CHRFAM7A: variants seen among roughly 807,000 people sequenced by gnomAD.
CHRFAM7A encodes the protein CHRNA7-FAM7A fusion protein.
CHRFAM7A carries 3 observed loss-of-function variants against 29.2 expected under a neutral mutation model. The observed-to-expected ratio is 0.10, with a 90% CI of 0.05 to 0.27. The LOEUF (loss-of-function observed/expected upper bound fraction) is 0.27. CHRFAM7A is among the 10% of genes least tolerant of loss of function. CHRFAM7A has a pLI of 1.00. For synonymous variants in CHRFAM7A, 7 were observed against 135.4 expected (o/e 0.05, Z 6.58); for missense variants, 22 against 328.0 (o/e 0.07, Z 7.21).
chr15:30,361,978 T>TCGCCGTATCATTAAAAAACTCC lies in CHRFAM7A; in HGVS notation c.*314_*315insGGAGTTTTTTAATGATACGGCG. 3.7e-4 allele frequency: 2 copies of TCGCCGTATCATTAAAAAACTCC among 5,472 alleles called. No individual in the cohort carries two copies. The highest frequency in any genetic ancestry group is 7.8e-4 in the Non-Finnish European group (2 of 2,568). 0.3% of individuals were successfully genotyped at this position (5,472 alleles called of 1,614,324 possible). On this transcript the variant is annotated 3_prime_UTR_variant, in exon 10 of 10. Transcript: ENST00000299847. ...CATGCAAAACCAACTGTCTCGGTGG[T>TCGCCGTATCATTAAAAAACTCC]GAGGAGCCATGGGGAGCTCTCCGAA... is the stretch of plus-strand genomic sequence containing the variant.
chr15:30,374,705 AGTT>A (rs1182158083), intron 5 of CHRFAM7A, among the ~76,000 whole-genome samples: 2 of 115,526 alleles, frequency 1.7e-5, no homozygotes, highest in African/African-American at 3.4e-5. Flanking sequence ...ATATACTAAA[AGTT>A]GTTGAATCAT....
At chr15:30,375,855 AGTGGTTGTGT>A (rs2058924221) in intron 5 of CHRFAM7A, among the ~76,000 whole-genome samples, 1 of 100,076 alleles carries the variant, frequency 1.0e-5, no homozygotes, top group Non-Finnish European at 2.3e-5. Flanking sequence ...GTGGTATGTG[AGTGGTTGTGT>A]GAGTGGTGTG....
intron 5 of CHRFAM7A, among the ~76,000 whole-genome samples, chr15:30,375,679 T>TGTG (rs375318103): frequency 1.5e-5 from 2 of 135,326 alleles, no homozygotes; most frequent in East Asian, 2.3e-4. Flanking sequence ...TGTGTGTGTG[T>TGTG]CTGGTGTGTG....
intron 9 of CHRFAM7A, among the ~76,000 whole-genome samples, chr15:30,363,358 G>A (rs200469747): frequency 0.064 from 8,685 of 136,706 alleles, 12 homozygotes; most frequent in East Asian, 0.1. Flanking sequence ...TTGTGATGAC[G>A]TGACCACTTT....
At chr15:30,367,671 TCTGGGTGGGCAAAACCAG>T (rs2058807610) in intron 8 of CHRFAM7A, 144 bp from the exon 9 acceptor site, 2 of 1,114,560 alleles carry the variant, frequency 1.8e-6, no homozygotes, top group Admixed American at 2.8e-5. Context: ...CAGCCCACAT[TCTGGGTGGGCAAAACCAG>T]CCAGTGTGGT....
intron 5 of CHRFAM7A, among the ~76,000 whole-genome samples, chr15:30,375,525 T>C: frequency 6.7e-6 from 1 of 150,342 alleles, no homozygotes; most frequent in Non-Finnish European, 1.5e-5. Context: ...CCAGTATGTG[T>C]GGTATGTGAG....
intron 7 of CHRFAM7A, among the ~76,000 whole-genome samples, chr15:30,371,571 T>C (rs569249031): frequency 7.3e-5 from 11 of 149,948 alleles, no homozygotes; most frequent in African/African-American, 2.7e-4. Flanking sequence ...GCTACTCAGC[T>C]AGCTATGTGA....
chr15:30,373,619 C>A (rs1437759138), intron 5 of CHRFAM7A, among the ~76,000 whole-genome samples: 1 of 117,132 alleles, frequency 8.5e-6, no homozygotes, highest in East Asian at 2.2e-4. Context: ...TCGAGAAATA[C>A]AATCTAGAAT....
chr15:30,375,612 T>C (rs1240911759), intron 5 of CHRFAM7A, among the ~76,000 whole-genome samples: 1 of 148,374 alleles, frequency 6.7e-6, no homozygotes, highest in Non-Finnish European at 1.5e-5. Context: ...TTGTGAGTCG[T>C]GTGTGAGTGG....
At chr15:30,374,213 C>T (rs1205363634) in intron 5 of CHRFAM7A, among the ~76,000 whole-genome samples, 1 of 91,456 alleles carries the variant, frequency 1.1e-5, no homozygotes. Flanking sequence ...AGAAGACAGG[C>T]ACAGACTCGG....
At position 30,377,909 on chromosome 15, in the gene CHRFAM7A, T is replaced by C. The variant is rs2058950272; in HGVS notation, c.81-800A>G. 1.5e-5 allele frequency among the ~76,000 whole-genome samples: 2 copies of C among 130,946 alleles called. 1 individual carries two copies. The highest frequency in any genetic ancestry group is 3.2e-5 in the Non-Finnish European group (2 of 61,944). 85.9% of individuals were successfully genotyped at this position (130,946 alleles called of 152,430 possible). ...GTATTACACTATTACTATATATGAA[T>C]TATACCTCATAAAGTTGATTGGCAA... On this transcript the variant is annotated intron_variant, in intron 4 of 9. Transcript: ENST00000299847.
chr15:30,376,200 G>A (rs1362723585), intron 5 of CHRFAM7A, among the ~76,000 whole-genome samples: 2 of 123,066 alleles, frequency 1.6e-5, no homozygotes, highest in African/African-American at 5.9e-5. Flanking sequence ...GTGGCTGTGA[G>A]TGGTTGTGAG....
intron 7 of CHRFAM7A, among the ~76,000 whole-genome samples, 184 bp from the exon 8 acceptor site, chr15:30,371,368 C>T (rs1417773992): frequency 6.0e-5 from 9 of 149,562 alleles, no homozygotes; most frequent in South Asian, 2.1e-4. Context: ...ATGCCACTTA[C>T]CAGAGTCCCA....
chr15:30,373,892 G>A (rs530064957), intron 5 of CHRFAM7A, among the ~76,000 whole-genome samples: 102 of 120,474 alleles, frequency 8.5e-4, no homozygotes, highest in African/African-American at 3.3e-3. Context: ...CCAGGAGTTT[G>A]AGGCTAAAGT....
rs1270553978 is a variant in CHRFAM7A at position 30,374,432 on chromosome 15, C to T, written c.161-1287G>A. 2.3e-4 allele frequency among the ~76,000 whole-genome samples: 25 copies of T among 109,668 alleles called. 1 individual carries two copies. The highest frequency in any genetic ancestry group is 4.2e-4 in the Non-Finnish European group (23 of 54,218). The allele number at this position is 109,668 out of a possible 152,430, so 71.9% of individuals were successfully genotyped here. A position where few individuals can be genotyped will look rare whatever the true frequency, so the allele number is the denominator to read the frequency against. ...TGAAATGTTTATAGGAATCTGGAAT[C>T]ATCACAGACAATCCCCCTCCATTAA... On this transcript the variant is annotated intron_variant, in intron 5 of 9. Transcript: ENST00000299847.
chr15:30,374,063 C>T lies in CHRFAM7A; in HGVS notation c.161-918G>A, dbSNP rs1264767035. 2.2e-5 allele frequency among the ~76,000 whole-genome samples: 3 copies of T among 133,452 alleles called. No individual in the cohort carries two copies. In the Admixed American group the frequency reaches 2.3e-4, roughly 10 times the overall value. The allele number at this position is 133,452 out of a possible 152,430, so 87.5% of individuals were successfully genotyped here. On this transcript the variant is annotated intron_variant, in intron 5 of 9. Transcript: ENST00000299847. The stretch of plus-strand genomic sequence containing the variant: ...AGATGGTGCTTGAAGGAAGAGTTTC[C>T]GCTGAAAAGAGCTATTCCAGGCTAG...
intron 4 of CHRFAM7A, among the ~76,000 whole-genome samples, chr15:30,377,458 G>A (rs2058942552): frequency 7.0e-6 from 1 of 142,508 alleles, no homozygotes; most frequent in Non-Finnish European, 1.5e-5. Flanking sequence ...CAGAGGGTGG[G>A]TGAGGCACGC....
At chr15:30,375,843 GGGTGGT>G (rs1195231258) in intron 5 of CHRFAM7A, among the ~76,000 whole-genome samples, 16 of 121,048 alleles carry the variant, frequency 1.3e-4, no homozygotes, top group African/African-American at 4.0e-4. Context: ...TGAGTCGTGT[GGGTGGT>G]ATGTGAGTGG....
chr15:30,367,503 A>G lies in CHRFAM7A; in HGVS notation c.635T>C (p.Ile212Thr). The part of the protein sequence containing the change: ...LIAQYFASTM[I>T]IVGLSVVVTV... ...CACCACCACCGAGAGGCCCACGATG[A>G]TCATGGTGCTGGCGAAGTACTGGGC... Residue 212 changes from isoleucine to threonine, a missense_variant, in exon 9 of 10, where the codon ATC (isoleucine) becomes ACC (threonine). Coordinates refer to ENST00000299847, the MANE Select transcript of CHRFAM7A (RefSeq NM_139320.2). The G allele has an allele frequency of 6.2e-7, 1 of 1,607,558 alleles. No homozygotes were observed. Among genetic ancestry groups the G allele is most frequent in the South Asian group, 1.1e-5 (1 of 90,898 alleles).
Sources: allele counts gnomAD v4.1 joint callset (sites outside exome capture counted in the v4.1 genomes callset), GRCh38; gene constraint gnomAD v4.1.1; transcripts MANE v1.5; gene names NCBI Gene and HGNC (gene_info 2026-07-23, HGNC 2026-07-21).